SPATA2: variants seen among roughly 807,000 people sequenced by gnomAD.
SPATA2 encodes the protein spermatogenesis associated 2.
Under a neutral mutation model 35.4 loss-of-function variants are expected in SPATA2, and 8 were observed. That is an observed-to-expected ratio of 0.23 (90% confidence interval 0.13 to 0.41). The LOEUF (loss-of-function observed/expected upper bound fraction) is 0.41. SPATA2 is among the 10% of genes least tolerant of loss of function. The pLI, the probability that SPATA2 is intolerant of heterozygous loss-of-function variation, is 1.00. For synonymous variants in SPATA2, 293 were observed against 300.9 expected (o/e 0.97, Z 0.27); for missense variants, 650 against 698.7 (o/e 0.93, Z 0.79).
chr20:49,912,220 A>G lies in SPATA2; in HGVS notation c.-103+3160T>C, dbSNP rs375018311. On this transcript the variant is annotated intron_variant, in intron 1 of 2. Coordinates refer to ENST00000289431, the MANE Select transcript of SPATA2 (RefSeq NM_006038.4). ...TGTAATCCTACAACTCTGGGAGGCCAAGGTGGGTGGATCGCCTGAGATTGG... is the reference window on the plus strand; with the variant it reads ...TGTAATCCTACAACTCTGGGAGGCCGAGGTGGGTGGATCGCCTGAGATTGG... Among the ~76,000 whole-genome samples the G allele has an allele frequency of 1.2e-4, 18 of 152,332 alleles. 1 individual carries two copies. The highest frequency in any genetic ancestry group is 4.1e-4 in the African/African-American group (17 of 41,586).
At chr20:49,915,265 G>C (rs2090203242) in intron 1 of SPATA2, 115 bp downstream of exon 1, 1 of 152,396 alleles carries the variant, frequency 6.6e-6, no homozygotes, top group Admixed American at 6.5e-5. Flanking sequence ...CTGTAGTCCT[G>C]CCTGCCGTGA....
chr20:49,909,341 C>T (rs2090169408), intron 1 of SPATA2, among the ~76,000 whole-genome samples: 1 of 151,670 alleles, frequency 6.6e-6, no homozygotes, highest in Non-Finnish European at 1.5e-5. Context: ...TCTTCTTAAA[C>T]AATCCTAGGA....
intron 1 of SPATA2, among the ~76,000 whole-genome samples, chr20:49,910,715 T>C (rs1405590974): frequency 6.6e-6 from 1 of 152,088 alleles, no homozygotes; most frequent in African/African-American, 2.4e-5. Context: ...AACAAAATCA[T>C]CCTCATCTCA....
intron 1 of SPATA2, among the ~76,000 whole-genome samples, chr20:49,909,784 C>A (rs1469396708): frequency 6.6e-6 from 1 of 152,200 alleles, no homozygotes; most frequent in Non-Finnish European, 1.5e-5. Flanking sequence ...GGACCCTCAG[C>A]CCCAAGGCCG....
In SPATA2 at chr20:49,905,536, G is replaced by C. The variant is rs1428572578; in HGVS notation, c.*83C>G. 2.0e-6 allele frequency: 3 copies of C among 1,492,468 alleles called. No individual in the cohort carries two copies. Among genetic ancestry groups the C allele is most frequent in the Non-Finnish European group, 2.7e-6 (3 of 1,093,234 alleles). The allele number at this position is 1,492,468 out of a possible 1,614,324, so 92.5% of individuals were successfully genotyped here. On this transcript the variant is annotated 3_prime_UTR_variant, in exon 3 of 3. Coordinates refer to ENST00000289431, the MANE Select transcript of SPATA2 (RefSeq NM_006038.4). ...GTCAAGTGCAGGCCTCCGCCTCTGA[G>C]ATCAATGCGTTAGTACTTCTTCACC...
rs1405179976 is a variant in SPATA2, at chr20:49,903,467, G to C, written c.*2152C>G. ...TTTCAACTCTTGGTAGAAATCAAAT[G>C]TAAAACATCTGCATTTTTAAATTAG... On this transcript the variant is annotated 3_prime_UTR_variant, in exon 3 of 3. Coordinates refer to ENST00000289431, the MANE Select transcript of SPATA2 (RefSeq NM_006038.4). The C allele has an allele frequency of 6.6e-6, 1 of 152,080 alleles. No individual in the cohort carries two copies. Among genetic ancestry groups the C allele is most frequent in the African/African-American group, 2.4e-5 (1 of 41,404 alleles). 9.4% of individuals were successfully genotyped at this position (152,080 alleles called of 1,614,324 possible).
intron 2 of SPATA2, 128 bp downstream of exon 2, chr20:49,908,027 G>T (rs1421332173): frequency 2.1e-6 from 2 of 952,348 alleles, no homozygotes; most frequent in East Asian, 2.4e-5. Flanking sequence ...GACGGGGAAG[G>T]TTCGGAGCCC....
intron 1 of SPATA2, among the ~76,000 whole-genome samples, chr20:49,910,619 G>C (rs2090177584): frequency 6.6e-6 from 1 of 152,184 alleles, no homozygotes; most frequent in Non-Finnish European, 1.5e-5. Flanking sequence ...GCTGCAGCAG[G>C]ACTGGGCCTG....
Position 49,905,954 on chromosome 20 carries a change from G to T in SPATA2, c.1228C>A (p.Pro410Thr). ...GAGGCCTTGCTGGGGAAGGCGCTGG[G>T]CTTGGAAGCTGGAGGACAGGTGAGC... is the stretch of plus-strand genomic sequence containing the variant. ...SLLTCPPASK[P>T]SAFPSKASTH... is the part of the protein sequence containing the mutation. The change falls in exon 3 of 3, where the codon CCC becomes ACC. Residue 410 changes from proline to threonine, a missense_variant. Transcript: ENST00000289431. 1 of 1,609,812 alleles carries T rather than the reference G, an allele frequency of 6.2e-7. No individual in the cohort carries two copies. Among genetic ancestry groups the T allele is most frequent in the Non-Finnish European group, 8.5e-7 (1 of 1,179,892 alleles).
chr20:49,915,428 G>A lies in SPATA2; in HGVS notation c.-151C>T, dbSNP rs1045607356. ...CCCGGCCGAGGGAAGCAAGCGAGAG[G>A]CGCGGCTGCCGCCGGAGCCGGGCCC... On this transcript the variant is annotated 5_prime_UTR_variant, in exon 1 of 3. Coordinates refer to ENST00000289431, the MANE Select transcript of SPATA2 (RefSeq NM_006038.4). 1 of 152,212 alleles carries A rather than the reference G, an allele frequency of 6.6e-6. No individual in the cohort carries two copies. The highest frequency in any genetic ancestry group is 1.5e-5 in the Non-Finnish European group (1 of 68,064). The allele number at this position is 152,212 out of a possible 1,614,324, so 9.4% of individuals were successfully genotyped here.
chr20:49,906,311 T>A lies in SPATA2; in HGVS notation c.871A>T (p.Ile291Phe). The change falls in exon 3 of 3, where the codon ATC becomes TTC. Residue 291 changes from isoleucine (I) to phenylalanine (F), a missense_variant. By Grantham distance (21) the Ile-to-Phe change is conservative. Coordinates refer to ENST00000289431, the MANE Select transcript of SPATA2 (RefSeq NM_006038.4). This position sits in a 1 kb window ranked among gnomAD's most constrained non-coding sequence, Gnocchi z 8.2. ...AGCAGCGAAGGGGATGGGCGGATGA[T>A]CTCATCCTTGAGGTCGTCCCCCACA... The part of the protein sequence containing the change: ...TDVGDDLKDE[I>F]IRPSPSLLTM... The A allele has an allele frequency of 6.3e-7, 1 of 1,597,484 alleles. No homozygotes were observed. Among genetic ancestry groups the A allele is most frequent in the Non-Finnish European group, 8.5e-7 (1 of 1,170,540 alleles).
At position 49,906,215 on chromosome 20, in the gene SPATA2, G is replaced by C; in HGVS notation, c.967C>G (p.Leu323Val). Reference sequence around the variant, plus strand: ...GTGGAGAAGTAGGTACCGCGCAGCAGGGCCGGGCCGTTGCTGGGGGAGGCG... The same window carrying C: ...GTGGAGAAGTAGGTACCGCGCAGCACGGCCGGGCCGTTGCTGGGGGAGGCG... ...PPASPSNGPA[L>V]LRGTYFSTQD... The change falls in exon 3 of 3, where the codon CTG becomes GTG. Residue 323 changes from leucine to valine, a missense_variant. Coordinates refer to ENST00000289431, the MANE Select transcript of SPATA2 (RefSeq NM_006038.4). The surrounding 1 kb of genome is among the most constrained non-coding windows in gnomAD (Gnocchi z 8.2). 6.4e-7 allele frequency: 1 copy of C among 1,571,928 alleles called. No homozygotes were observed. The highest frequency in any genetic ancestry group is 1.3e-5 in the African/African-American group (1 of 74,272).
Position 49,906,011 on chromosome 20 carries a change from TGCA to T in SPATA2, c.1168_1170del (p.Cys390del), listed in dbSNP as rs756959090. On this transcript the variant is annotated inframe_deletion, in exon 3 of 3. Coordinates refer to ENST00000289431, the MANE Select transcript of SPATA2 (RefSeq NM_006038.4). The surrounding 1 kb of genome is among the most constrained non-coding windows in gnomAD (Gnocchi z 8.2). ...TCACAGCGCTGGCAGAGGGAGGAGC[TGCA>T]GGACAGCCCGCAGCTTTGGCACTTG... is the stretch of plus-strand genomic sequence containing the variant. 1.2e-6 allele frequency: 2 copies of T among 1,606,124 alleles called. No homozygotes were observed. The highest frequency in any genetic ancestry group is 1.7e-6 in the Non-Finnish European group (2 of 1,179,514).
chr20:49,908,129 G>A (rs1393822966), intron 2 of SPATA2, 26 bp downstream of exon 2: 1 of 1,576,814 alleles, frequency 6.3e-7, no homozygotes, highest in Non-Finnish European at 8.6e-7. Context: ...AGGAGGGCCT[G>A]TATGGAGGCT....
In SPATA2 at chr20:49,903,637, T is replaced by TA. The variant is rs375814885; in HGVS notation, c.*1981dup. The TA allele has an allele frequency of 1.2e-4, 18 of 152,242 alleles. 1 individual carries two copies. The highest frequency in any genetic ancestry group is 4.1e-4 in the African/African-American group (17 of 41,556). 9.4% of individuals were successfully genotyped at this position (152,242 alleles called of 1,614,324 possible). The stretch of plus-strand genomic sequence containing the variant: ...CTGGACTTTCCCTCCTAGGATGTGT[T>TA]AGTCATTCCTGCTTTTGTCCATAGG... On this transcript the variant is annotated 3_prime_UTR_variant, in exon 3 of 3. Transcript: ENST00000289431.
Position 49,906,904 on chromosome 20 carries a change from G to T in SPATA2, c.337-59C>A. The T allele has an allele frequency of 6.5e-7, 1 of 1,541,104 alleles. No homozygotes were observed. The highest frequency in any genetic ancestry group is 1.2e-5 in the South Asian group (1 of 80,212). On this transcript the variant is annotated intron_variant, in intron 2 of 2. Coordinates refer to ENST00000289431, the MANE Select transcript of SPATA2 (RefSeq NM_006038.4). This position sits in a 1 kb window ranked among gnomAD's most constrained non-coding sequence, Gnocchi z 8.2. ...TTTTCTGTCAGAGACACAAGACAGA[G>T]ACTATGTCAAAGCAAAGGATGTCCA...
chr20:49,908,628 G>C (rs538451218), intron 1 of SPATA2, 36 bp from the exon 2 acceptor site: 2 of 735,460 alleles, frequency 2.7e-6, no homozygotes, highest in Non-Finnish European at 4.4e-6. Context: ...GTCATTCCTC[G>C]ATACGGTCGC....
At chr20:49,913,173 C>T (rs1459030884) in intron 1 of SPATA2, among the ~76,000 whole-genome samples, 2 of 152,188 alleles carry the variant, frequency 1.3e-5, no homozygotes, top group African/African-American at 2.4e-5. Flanking sequence ...ATGTGCTAAG[C>T]ATTGGGCTTC....
Position 49,908,469 on chromosome 20 carries a change from C to T in SPATA2, c.22G>A (p.Asp8Asn). The T allele has an allele frequency of 6.2e-7, 1 of 1,600,530 alleles. No homozygotes were observed. The highest frequency in any genetic ancestry group is 8.6e-7 in the Non-Finnish European group (1 of 1,169,264). The change falls in exon 2 of 3, where the codon GAT becomes AAT. Residue 8 changes from aspartate (D) to asparagine (N), a missense_variant. Physicochemically the swap from Asp to Asn is conservative, Grantham distance 23. Coordinates refer to ENST00000289431, the MANE Select transcript of SPATA2 (RefSeq NM_006038.4). Reference sequence around the variant, plus strand: ...AATAAGTCATCCTTGAATTTAGTATCCATTGAACTGGGCTTCCCCATCCGA... The same window carrying T: ...AATAAGTCATCCTTGAATTTAGTATTCATTGAACTGGGCTTCCCCATCCGA... MGKPSSMDTKFKDDLFRK... is the reference protein window; with the variant it reads MGKPSSMNTKFKDDLFRK...
Sources: allele counts gnomAD v4.1 joint callset (sites outside exome capture counted in the v4.1 genomes callset), GRCh38; gene constraint gnomAD v4.1.1; non-coding constraint Gnocchi (gnomAD v3.1); transcripts MANE v1.5; gene names NCBI Gene and HGNC (gene_info 2026-07-23, HGNC 2026-07-21).